ATAD2B: variants seen among roughly 807,000 people sequenced by gnomAD.
ATAD2B encodes the protein ATPase family AAA domain containing 2B.
In ATAD2B, 40 loss-of-function variants were observed where a neutral mutation model predicts 167.6. That is an observed-to-expected ratio of 0.24 (90% CI 0.19 to 0.31). ATAD2B has a LOEUF of 0.31. Ranked by LOEUF, ATAD2B falls within the 10% of genes least tolerant of loss-of-function variation. The pLI is 1.00. For missense variants in ATAD2B, 1,242 were observed against 1,757.2 expected (o/e 0.71, Z 5.24); for synonymous variants, 579 against 596.5 (o/e 0.97, Z 0.43).
chr2:23,881,400 C>T (rs532559854), intron 6 of ATAD2B, among the ~76,000 whole-genome samples: 1 of 140,932 alleles, frequency 7.1e-6, no homozygotes, highest in African/African-American at 2.7e-5. Context: ...GAGTCTCTGT[C>T]GCCAGGCTGG....
At chr2:23,742,321 T>C in the ATAD2B span, among the ~76,000 whole-genome samples, 1 of 151,816 alleles carries the variant, frequency 6.6e-6, no homozygotes, top group Non-Finnish European at 1.5e-5. Flanking sequence ...CCAACAACGA[T>C]AGACTGGATT....
intron 10 of ATAD2B, chr2:23,865,819 A>C (rs1228520777): frequency 6.3e-6 from 1 of 158,622 alleles, no homozygotes; most frequent in South Asian, 2.0e-4. Context: ...CTATCACAAG[A>C]AGCAGCAAAG....
At chr2:23,819,459 C>A (rs9967831) in intron 17 of ATAD2B, among the ~76,000 whole-genome samples, 262 of 148,858 alleles carry the variant, frequency 1.8e-3, no homozygotes, top group African/African-American at 5.8e-3. Flanking sequence ...CCACTGCACT[C>A]TACCCTGGGT....
At chr2:23,921,769 T>G (rs772816595) in intron 1 of ATAD2B, among the ~76,000 whole-genome samples, 6 of 152,176 alleles carry the variant, frequency 3.9e-5, no homozygotes, top group Non-Finnish European at 5.9e-5. Context: ...TTACAATATA[T>G]TGTACCTATA....
At position 23,882,091 on chromosome 2, in the gene ATAD2B, G is replaced by T. The variant is rs144998502; in HGVS notation, c.785-1336C>A. On this transcript the variant is annotated intron_variant, in intron 6 of 27. Transcript: ENST00000238789. ...AAATAAGAGTCTAGCTGGACGCAGA[G>T]GCACCTGCCTCTAGTCCCAAATACT... Among the ~76,000 whole-genome samples, 10 of 152,312 alleles carry T rather than the reference G, an allele frequency of 6.6e-5. No individual in the cohort carries two copies. The East Asian group carries it at 1.5e-3, about 23-fold the overall frequency.
intron 18 of ATAD2B, among the ~76,000 whole-genome samples, chr2:23,803,712 T>C (rs974469062): frequency 2.0e-5 from 3 of 152,220 alleles, no homozygotes; most frequent in African/African-American, 7.2e-5. Context: ...ATGTATATTC[T>C]TGTGCATGTA....
intron 8 of ATAD2B, among the ~76,000 whole-genome samples, chr2:23,873,175 T>C (rs1696271457): frequency 6.6e-6 from 1 of 152,220 alleles, no homozygotes; most frequent in Admixed American, 6.5e-5. Context: ...ATGTGTGTAT[T>C]GGGCCTATAA....
the ATAD2B span, among the ~76,000 whole-genome samples, chr2:23,743,440 G>A: frequency 1.3e-5 from 2 of 151,870 alleles, no homozygotes; most frequent in South Asian, 4.2e-4. Flanking sequence ...GCGCATGCCT[G>A]TAATCCCAGC....
chr2:23,925,150 T>C (rs77498254), intron 1 of ATAD2B, among the ~76,000 whole-genome samples: 2,254 of 152,348 alleles, frequency 0.015, 29 homozygotes, highest in Non-Finnish European at 0.024. Flanking sequence ...ATGTTTGGAA[T>C]AGTTTCCACC....
the ATAD2B span, chr2:23,695,962 GTCA>G: frequency 6.4e-7 from 1 of 1,551,448 alleles, no homozygotes; most frequent in Non-Finnish European, 8.7e-7. The surrounding 1 kb of genome is among the most constrained non-coding windows in gnomAD (Gnocchi z 7.6). Context: ...TGTGGCTGAG[GTCA>G]TCGTCTTGGT....
chr2:23,888,177 G>A (rs991303319), intron 3 of ATAD2B, among the ~76,000 whole-genome samples, 173 bp downstream of exon 3: 2 of 152,104 alleles, frequency 1.3e-5, no homozygotes, highest in Non-Finnish European at 2.9e-5. Context: ...TTTCAGGTAT[G>A]CTGATTTCTC....
chr2:23,795,146 A>C (rs1445273943), intron 19 of ATAD2B, among the ~76,000 whole-genome samples: 2 of 152,210 alleles, frequency 1.3e-5, no homozygotes, highest in Non-Finnish European at 2.9e-5. Flanking sequence ...TTATTATGGA[A>C]GATATAGAAA....
chr2:23,748,884 A>G lies in ATAD2B; in HGVS notation c.*3162T>C, dbSNP rs912222029. On this transcript the variant is annotated 3_prime_UTR_variant, in exon 28 of 28. Transcript: ENST00000238789. ...TACTTAAACTACAAAGTAGACATAC[A>G]TGACTGAAACCAAATTGGACTCCCA... 3.9e-5 allele frequency: 6 copies of G among 152,314 alleles called. No homozygotes were observed. Among genetic ancestry groups the G allele is most frequent in the Non-Finnish European group, 7.4e-5 (5 of 68,016 alleles). The allele number at this position is 152,314 out of a possible 1,614,324, so 9.4% of individuals were successfully genotyped here.
intron 22 of ATAD2B, among the ~76,000 whole-genome samples, chr2:23,767,666 G>C (rs2149336651): frequency 6.6e-6 from 1 of 152,286 alleles, no homozygotes; most frequent in Middle Eastern, 3.4e-3. Flanking sequence ...AATAACACCA[G>C]GGAGCATAGT....
At chr2:23,692,710 C>T in the ATAD2B span, among the ~76,000 whole-genome samples, 2 of 151,826 alleles carry the variant, frequency 1.3e-5, no homozygotes, top group Non-Finnish European at 2.9e-5. Flanking sequence ...ATTGGGTAAA[C>T]AGGATACGGA....
intron 1 of ATAD2B, among the ~76,000 whole-genome samples, chr2:23,896,440 CAAGA>C (rs1309339127): frequency 6.6e-6 from 1 of 151,618 alleles, no homozygotes; most frequent in Non-Finnish European, 1.5e-5. Flanking sequence ...AATATAAAAA[CAAGA>C]AAGATTACAT....
chr2:23,739,282 T>G, the ATAD2B span, among the ~76,000 whole-genome samples: 1 of 152,088 alleles, frequency 6.6e-6, no homozygotes, highest in African/African-American at 2.4e-5. Context: ...TACTCCAAAA[T>G]TGACCACATA....
the ATAD2B span, chr2:23,703,899 G>A: frequency 3.3e-6 from 5 of 1,513,750 alleles, no homozygotes; most frequent in South Asian, 2.5e-5. Context: ...GGGCTGGGAC[G>A]GAGGAGTGGG....
In ATAD2B at chr2:23,750,850, G is replaced by C. The variant is rs1159672388; in HGVS notation, c.*1196C>G. 1.3e-5 allele frequency: 2 copies of C among 152,054 alleles called. No homozygotes were observed. Among genetic ancestry groups the C allele is most frequent in the Non-Finnish European group, 2.9e-5 (2 of 67,990 alleles). 9.4% of individuals were successfully genotyped at this position (152,054 alleles called of 1,614,324 possible). A position where few individuals can be genotyped will look rare whatever the true frequency, so the allele number is the denominator to read the frequency against. On this transcript the variant is annotated 3_prime_UTR_variant, in exon 28 of 28. Coordinates refer to ENST00000238789, the MANE Select transcript of ATAD2B (RefSeq NM_017552.4). ...AAATCACTCAACAAGATTCAAAATG[G>C]TTTCCAATCAAAAAGAAGAGTTGTG...
Sources: allele counts gnomAD v4.1 joint callset (sites outside exome capture counted in the v4.1 genomes callset), GRCh38; gene constraint gnomAD v4.1.1; non-coding constraint Gnocchi (gnomAD v3.1); transcripts MANE v1.5; gene names NCBI Gene and HGNC (gene_info 2026-07-23, HGNC 2026-07-21).